The following UBXN2A variants were observed in gnomAD, a reference collection of about 807,000 sequenced individuals.
UBXN2A encodes UBX domain protein 2A.
UBXN2A carries 28 observed loss-of-function variants against 28.4 expected under a neutral mutation model. The ratio of observed to expected loss-of-function variants is 0.99; its 90% CI spans 0.73 to 1.35. The LOEUF (loss-of-function observed/expected upper bound fraction) is 1.35, where lower values mean the gene tolerates loss of function less well. Among genes scored for constraint, UBXN2A ranks in the 40% most tolerant of loss-of-function variants. The pLI is 0.00. For synonymous variants in UBXN2A, 97 were observed against 103.6 expected (o/e 0.94, Z 0.39); for missense variants, 253 against 297.9 (o/e 0.85, Z 1.11).
At chr2:23,936,724 T>G (rs1705540756), upstream of UBXN2A, among the ~76,000 whole-genome samples, 1 of 152,136 alleles carries the variant, frequency 6.6e-6, no homozygotes, top group Admixed American at 6.6e-5. Context: ...CTCTCATCAT[T>G]TTTTGAGACA....
At chr2:23,956,468 T>G (rs1706629889) in intron 1 of UBXN2A, among the ~76,000 whole-genome samples, 1 of 152,144 alleles carries the variant, frequency 6.6e-6, no homozygotes, top group Non-Finnish European at 1.5e-5. Flanking sequence ...TTCTCCTGCC[T>G]CAGCCTACCT....
At chr2:23,941,006 T>C (rs182560094) in intron 1 of UBXN2A, among the ~76,000 whole-genome samples, 1 of 152,316 alleles carries the variant, frequency 6.6e-6, no homozygotes, top group Admixed American at 6.5e-5. Flanking sequence ...CGCTGCACGA[T>C]CGCAGTCCAG....
rs1258590298 is a variant in UBXN2A, at chr2:24,002,045, G to A, written c.*2178G>A. On this transcript the variant is annotated 3_prime_UTR_variant, in exon 7 of 7. Transcript: ENST00000309033. ...TAATCCTAGCACTTTGGGAGGCCAA[G>A]ACAGGTGGATCACTTGAGCCCAGGA... The A allele has an allele frequency of 6.6e-6, 1 of 152,154 alleles. No individual in the cohort carries two copies. The highest frequency in any genetic ancestry group is 1.5e-5 in the Non-Finnish European group (1 of 68,052). 9.4% of individuals were successfully genotyped at this position (152,154 alleles called of 1,614,324 possible).
chr2:23,959,213 C>T (rs538785113), intron 2 of UBXN2A, among the ~76,000 whole-genome samples: 176 of 152,182 alleles, frequency 1.2e-3, no homozygotes, highest in African/African-American at 4.1e-3. Context: ...GGTTGTTGGC[C>T]GGGCACAGTG....
At chr2:23,984,312 CAAT>C (rs1708035391) in intron 5 of UBXN2A, among the ~76,000 whole-genome samples, 1 of 152,026 alleles carries the variant, frequency 6.6e-6, no homozygotes, top group Non-Finnish European at 1.5e-5. Flanking sequence ...GGACTAAGCT[CAAT>C]AAAGAACTTA....
At chr2:23,928,337 A>G (rs891695623) in intron 1 of UBXN2A, among the ~76,000 whole-genome samples, 3 of 152,226 alleles carry the variant, frequency 2.0e-5, no homozygotes, top group African/African-American at 7.2e-5. Context: ...GCACTTTGGG[A>G]GGCCAAGGCG....
At chr2:23,991,871 A>T (rs1708367722) in intron 6 of UBXN2A, among the ~76,000 whole-genome samples, 1 of 151,864 alleles carries the variant, frequency 6.6e-6, no homozygotes, top group African/African-American at 2.4e-5. Context: ...GGCTCATTGA[A>T]ACCTCTGCCT....
In UBXN2A at chr2:24,000,096, T is replaced by C. The variant is rs1245256426; in HGVS notation, c.*229T>C. The C allele has an allele frequency of 8.3e-6, 4 of 481,372 alleles. No homozygotes were observed. Among genetic ancestry groups the C allele is most frequent in the Non-Finnish European group, 1.5e-5 (4 of 275,254 alleles). 29.8% of individuals were successfully genotyped at this position (481,372 alleles called of 1,614,324 possible). A position where few individuals can be genotyped will look rare whatever the true frequency, so the allele number is the denominator to read the frequency against. The stretch of plus-strand genomic sequence containing the variant: ...CAAAAGACTACCCAGAAAAATAGAC[T>C]TATTTTCAAATACCAGTTATCAAGA... On this transcript the variant is annotated 3_prime_UTR_variant, in exon 7 of 7. Coordinates refer to ENST00000309033, the MANE Select transcript of UBXN2A (RefSeq NM_181713.4).
chr2:23,955,739 A>G (rs1706590501), intron 1 of UBXN2A, among the ~76,000 whole-genome samples: 1 of 152,226 alleles, frequency 6.6e-6, no homozygotes, highest in Non-Finnish European at 1.5e-5. Flanking sequence ...ACATATCTCA[A>G]CATAGAAAAG....
At chr2:23,928,780 AT>A (rs993948776) in intron 1 of UBXN2A, among the ~76,000 whole-genome samples, 1 of 151,932 alleles carries the variant, frequency 6.6e-6, no homozygotes, top group Non-Finnish European at 1.5e-5. Context: ...GGAAATGACA[AT>A]TTTTTTTGTT....
At chr2:23,985,957 C>T (rs1367372589) in intron 6 of UBXN2A, among the ~76,000 whole-genome samples, 1 of 152,042 alleles carries the variant, frequency 6.6e-6, no homozygotes, top group Non-Finnish European at 1.5e-5. Flanking sequence ...CATTACACTG[C>T]AAGCCTGGGT....
At chr2:23,983,455 C>T (rs948585069) in intron 5 of UBXN2A, among the ~76,000 whole-genome samples, 7 of 151,846 alleles carry the variant, frequency 4.6e-5, no homozygotes, top group Non-Finnish European at 5.9e-5. Context: ...TGCGGTGAGC[C>T]GAGATCGCGC....
rs578021728 is a variant in UBXN2A, at chr2:23,987,992, G to A, written c.584+3161G>A. 1.3e-3 allele frequency among the ~76,000 whole-genome samples: 203 copies of A among 151,008 alleles called. 7 individuals carry two copies. In the South Asian group the frequency reaches 0.04, roughly 30 times the overall value. ...CAAAAAATTAGCTGGCCGTCGTGGC[G>A]TATGTCTGTAATCTCAGCTACTCAG... On this transcript the variant is annotated intron_variant, in intron 6 of 6. Transcript: ENST00000309033.
At chr2:23,966,667 G>A (rs575146784) in intron 2 of UBXN2A, among the ~76,000 whole-genome samples, 62 of 148,758 alleles carry the variant, frequency 4.2e-4, no homozygotes, top group Admixed American at 9.5e-4. Context: ...TAGCCAGGAT[G>A]GTCTCGATCT....
chr2:23,934,573 A>T (rs561528422), intron 1 of UBXN2A, among the ~76,000 whole-genome samples: 3 of 152,242 alleles, frequency 2.0e-5, no homozygotes, highest in African/African-American at 7.2e-5. Flanking sequence ...TCGTCCTTCT[A>T]TGTGAATTCA....
At chr2:23,944,689 G>GAAAC (rs912852948) in intron 1 of UBXN2A, among the ~76,000 whole-genome samples, 4 of 152,146 alleles carry the variant, frequency 2.6e-5, no homozygotes, top group Admixed American at 2.0e-4. Context: ...TGGGATATTG[G>GAAAC]AAACAATGCC....
chr2:23,950,548 G>A (rs916016632), intron 1 of UBXN2A, among the ~76,000 whole-genome samples: 1 of 151,210 alleles, frequency 6.6e-6, no homozygotes, highest in African/African-American at 2.4e-5. Context: ...GATTACAGGC[G>A]CCCTCCACCA....
chr2:23,986,176 G>A (rs538551462), intron 6 of UBXN2A, among the ~76,000 whole-genome samples: 1 of 152,070 alleles, frequency 6.6e-6, no homozygotes, highest in East Asian at 1.9e-4. Context: ...CGGGCGTGGT[G>A]GTGGGCGCCT....
intron 6 of UBXN2A, among the ~76,000 whole-genome samples, chr2:23,986,084 G>T (rs537469205): frequency 1.3e-5 from 2 of 152,166 alleles, no homozygotes; most frequent in African/African-American, 4.8e-5. Flanking sequence ...CGAGACGGGT[G>T]GATCACGAGG....
Sources: gnomAD v4.1 joint callset for allele counts (sites outside exome capture counted in the v4.1 genomes callset) on GRCh38, gnomAD v4.1.1 for gene constraint, MANE v1.5 for transcripts, NCBI Gene and HGNC (gene_info 2026-07-23, HGNC 2026-07-21) for gene names.